Variants in SERAC1 observed in about 807,000 individuals in gnomAD.
SERAC1 encodes the protein protein SERAC1.
A neutral mutation model predicts 85.7 loss-of-function variants in SERAC1; 36 were observed. The observed-to-expected ratio is 0.42, with a 90% CI of 0.32 to 0.55. The LOEUF is 0.55. SERAC1 is among the 20% of genes least tolerant of loss of function. The probability of loss-of-function intolerance (pLI) is 0.11; values close to 1 mark genes in which losing one functional copy is unlikely to be tolerated. For missense variants in SERAC1, 629 were observed against 796.2 expected (o/e 0.79, Z 2.53); for synonymous variants, 242 against 265.3 (o/e 0.91, Z 0.85).
chr6:158,114,877 G>A lies in SERAC1; in HGVS notation c.1596C>T (p.Val532=). Residue 532 remains valine, a synonymous_variant, in exon 15 of 17, where the codon GTC becomes GTT. Transcript: ENST00000647468. Reference sequence around the variant, plus strand: ...CAGCCAAACGTGATCCATGATGAGGGACACTATAAAAAATTATTCCTCTGG... The same window carrying A: ...CAGCCAAACGTGATCCATGATGAGGAACACTATAAAAAATTATTCCTCTGG... ...NNTRGIIFYS[V]PHHGSRLAEY... The A allele has an allele frequency of 6.2e-7, 1 of 1,613,848 alleles. No homozygotes were observed. The highest frequency in any genetic ancestry group is 1.1e-5 in the South Asian group (1 of 91,070).
intron 10 of SERAC1, among the ~76,000 whole-genome samples, chr6:158,122,967 G>A (rs1047062494): frequency 1.3e-5 from 2 of 152,004 alleles, no homozygotes; most frequent in African/African-American, 4.8e-5. Context: ...ATTCCTATTG[G>A]CAGACATTTA....
rs1449345250 is a variant in SERAC1, at chr6:158,119,843, T to C, written c.1166+582A>G. On this transcript the variant is annotated intron_variant, in intron 11 of 16. Transcript: ENST00000647468. The surrounding 1 kb of genome is among the most constrained non-coding windows in gnomAD (Gnocchi z 4.5). ...AGTGCCCTAAGAAAACCAAGAAATA[T>C]GTTATTTTTTCAGTGTGGTCCCTTC... 2.0e-5 allele frequency among the ~76,000 whole-genome samples: 3 copies of C among 152,232 alleles called. No homozygotes were observed. The highest frequency in any genetic ancestry group is 2.9e-5 in the Non-Finnish European group (2 of 68,034).
intron 10 of SERAC1, among the ~76,000 whole-genome samples, chr6:158,123,791 A>T (rs185606483): frequency 1.4e-3 from 214 of 152,322 alleles, no homozygotes; most frequent in African/African-American, 5.0e-3. Context: ...CATGGAATAT[A>T]AGCTGGGTTC....
At position 158,136,309 on chromosome 6, in the gene SERAC1, T is replaced by C. The variant is rs112248028; in HGVS notation, c.739-5823A>G. ...TTTTGATAACAGTATTTCAATATAATTTGTTTCCTTTGTAATCTTATGTAT... is the reference window on the plus strand; with the variant it reads ...TTTTGATAACAGTATTTCAATATAACTTGTTTCCTTTGTAATCTTATGTAT... On this transcript the variant is annotated intron_variant, in intron 8 of 16. Coordinates refer to ENST00000647468, the MANE Select transcript of SERAC1 (RefSeq NM_032861.4). Among the ~76,000 whole-genome samples, 6 of 152,326 alleles carry C rather than the reference T, an allele frequency of 3.9e-5. 1 individual carries two copies. The highest frequency in any genetic ancestry group is 1.4e-4 in the African/African-American group (6 of 41,572).
chr6:158,161,534 G>A (rs1326031573), intron 1 of SERAC1: 1 of 151,940 alleles, frequency 6.6e-6, no homozygotes, highest in African/African-American at 2.4e-5. Context: ...TTTCTTTGTA[G>A]GCAAAATAAT....
chr6:158,119,758 A>T lies in SERAC1; in HGVS notation c.1167-588T>A, dbSNP rs547955056. 2.8e-4 allele frequency among the ~76,000 whole-genome samples: 42 copies of T among 152,342 alleles called. No homozygotes were observed. Among genetic ancestry groups the T allele is most frequent in the African/African-American group, 9.9e-4 (41 of 41,584 alleles). ...ATATTTTATTTACAAATTGTAATTA[A>T]CCAGGTAATCCACTTTTTAATTTAA... On this transcript the variant is annotated intron_variant, in intron 11 of 16. Coordinates refer to ENST00000647468, the MANE Select transcript of SERAC1 (RefSeq NM_032861.4). The surrounding 1 kb of genome is among the most constrained non-coding windows in gnomAD (Gnocchi z 4.5).
chr6:158,122,785 AAAAG>A (rs1418514056), intron 10 of SERAC1, among the ~76,000 whole-genome samples: 1 of 152,188 alleles, frequency 6.6e-6, no homozygotes, highest in Non-Finnish European at 1.5e-5. Context: ...GTCTCAAAGA[AAAAG>A]AAAAATGTAG....
At position 158,122,914 on chromosome 6, in the gene SERAC1, T is replaced by C. The variant is rs192790176; in HGVS notation, c.1016-2339A>G. Among the ~76,000 whole-genome samples the C allele has an allele frequency of 1.3e-4, 20 of 152,324 alleles. No individual in the cohort carries two copies. The East Asian group carries it at 3.1e-3, about 23-fold the overall frequency. On this transcript the variant is annotated intron_variant, in intron 10 of 16. Coordinates refer to ENST00000647468, the MANE Select transcript of SERAC1 (RefSeq NM_032861.4). ...ATATCAACTTCATTCCTTTGAACTA[T>C]AGTATTACGTCACATGAGTACGCCA...
At chr6:158,114,589 G>A in intron 15 of SERAC1, 200 bp downstream of exon 15, 2 of 1,249,066 alleles carry the variant, frequency 1.6e-6, no homozygotes, top group Non-Finnish European at 1.0e-6. Flanking sequence ...TACAATGCTT[G>A]AGTAAATAAT....
At chr6:158,158,909 T>C (rs1485549325) in intron 1 of SERAC1, 1 of 152,396 alleles carries the variant, frequency 6.6e-6, no homozygotes, top group African/African-American at 2.4e-5. Flanking sequence ...ATTGTTGGCA[T>C]TCTATCAAAG....
rs767505135 is a variant in SERAC1 at position 158,110,905 on chromosome 6, A to C, written c.*461T>G. On this transcript the variant is annotated 3_prime_UTR_variant, in exon 17 of 17. Transcript: ENST00000647468. The stretch of plus-strand genomic sequence containing the variant: ...AACTCAAACTTTAAAAATGTACAGC[A>C]AATCAATACCCAGAAGTAAAAGAGT... 6.6e-6 allele frequency: 1 copy of C among 152,468 alleles called. No individual in the cohort carries two copies. 9.4% of individuals were successfully genotyped at this position (152,468 alleles called of 1,614,324 possible).
intron 4 of SERAC1, among the ~76,000 whole-genome samples, chr6:158,150,040 A>C (rs964174051): frequency 7.2e-5 from 11 of 152,242 alleles, no homozygotes; most frequent in Non-Finnish European, 5.9e-5. Flanking sequence ...AATTATAATA[A>C]ATGAGTTGGC....
Position 158,148,929 on chromosome 6 carries a change from T to C in SERAC1, c.291A>G (p.Glu97=), listed in dbSNP as rs1421997156. 6.2e-7 allele frequency: 1 copy of C among 1,611,992 alleles called. No homozygotes were observed. The highest frequency in any genetic ancestry group is 1.1e-5 in the South Asian group (1 of 90,348). Residue 97 remains glutamate (E), a synonymous_variant, in exon 5 of 17, where the codon GAA becomes GAG. Transcript: ENST00000647468. ...ATACTTTTCTTACTGCTTTGTGAAG[T>C]TCTTTTCTTGCCTGCCAGGCAATAC... ...NHGIAWQARK[E]LHKAVRKVLA...
At chr6:158,122,229 G>A (rs1784439822) in intron 10 of SERAC1, among the ~76,000 whole-genome samples, 1 of 152,194 alleles carries the variant, frequency 6.6e-6, no homozygotes, top group East Asian at 1.9e-4. Flanking sequence ...GTTTGTGTAA[G>A]TATACTTTGC....
intron 5 of SERAC1, among the ~76,000 whole-genome samples, chr6:158,148,183 A>G (rs1785116575): frequency 6.6e-6 from 1 of 152,244 alleles, no homozygotes; most frequent in Admixed American, 6.5e-5. Context: ...CCAACTTTTT[A>G]AGGAGATCAG....
chr6:158,136,857 G>C (rs933184218), intron 8 of SERAC1, among the ~76,000 whole-genome samples: 1 of 152,164 alleles, frequency 6.6e-6, no homozygotes, highest in African/African-American at 2.4e-5. Context: ...AGAGTAGGGG[G>C]AATAAGAATA....
intron 16 of SERAC1, 149 bp downstream of exon 16, chr6:158,113,298 CTA>C (rs2128409975): frequency 1.6e-6 from 1 of 621,912 alleles, no homozygotes; most frequent in Admixed American, 3.1e-5. Flanking sequence ...AAATTTTAAT[CTA>C]TTGCTGAAAA....
At chr6:158,127,050 C>CA (rs35185078) in intron 10 of SERAC1, among the ~76,000 whole-genome samples, 1,837 of 143,850 alleles carry the variant, frequency 0.013, 40 homozygotes, top group African/African-American at 0.043. Flanking sequence ...GAGATTCTCT[C>CA]AAAAAAAAAA....
chr6:158,113,320 A>C (rs1784191243), intron 16 of SERAC1, 129 bp downstream of exon 16: 1 of 724,926 alleles, frequency 1.4e-6, no homozygotes, highest in African/African-American at 1.8e-5. Context: ...AGAATAAAAG[A>C]AATCAAATCT....
Sources: allele counts gnomAD v4.1 joint callset (sites outside exome capture counted in the v4.1 genomes callset), GRCh38; gene constraint gnomAD v4.1.1; non-coding constraint Gnocchi (gnomAD v3.1); transcripts MANE v1.5; gene names NCBI Gene and HGNC (gene_info 2026-07-23, HGNC 2026-07-21).